The following SREBF2 variants were observed in gnomAD, a reference collection of about 807,000 sequenced individuals.
SREBF2 encodes the protein sterol regulatory element binding transcription factor 2, also known as sterol regulatory element-binding protein 2.
In SREBF2, 55 loss-of-function variants were observed where a neutral mutation model predicts 113.1. That is an observed-to-expected ratio of 0.49 (90% CI 0.39 to 0.61). The LOEUF (loss-of-function observed/expected upper bound fraction) is 0.61. Among genes scored for constraint, SREBF2 ranks in the 20% least tolerant of loss-of-function variants. SREBF2 has a pLI of 0.00. For missense variants in SREBF2, 1,349 were observed against 1,487.4 expected (o/e 0.91, Z 1.53); for synonymous variants, 593 against 605.7 (o/e 0.98, Z 0.31).
rs746993979 is a variant in SREBF2 at position 41,877,408 on chromosome 22, G to A, written c.1566G>A (p.Leu522=). ...ACTCAGGCTCTGGCCGCAGTGTCCTGTCATTCGAGTCAGGTAGGTGGAGGC... is the reference window on the plus strand; with the variant it reads ...ACTCAGGCTCTGGCCGCAGTGTCCTATCATTCGAGTCAGGTAGGTGGAGGC... ...HPHSGSGRSV[L]SFESGSGGWF... is the part of the protein sequence containing the mutation. The change falls in exon 8 of 19, where the codon CTG becomes CTA. Residue 522 remains leucine (L), a synonymous_variant. Transcript: ENST00000361204. 2 of 1,614,196 alleles carry A rather than the reference G, an allele frequency of 1.2e-6. No homozygotes were observed. The highest frequency in any genetic ancestry group is 1.7e-6 in the Non-Finnish European group (2 of 1,180,024).
At chr22:41,867,346 CTG>C (rs1035356713) in intron 2 of SREBF2, 66 bp downstream of exon 2, 2 of 1,544,066 alleles carry the variant, frequency 1.3e-6, no homozygotes, top group Admixed American at 1.7e-5. Context: ...TTTGCAGACA[CTG>C]TAAATATTTC....
rs1371872884 is a variant in SREBF2 at position 41,905,931 on chromosome 22, C to T, written c.*271C>T. On this transcript the variant is annotated 3_prime_UTR_variant, in exon 19 of 19. Coordinates refer to ENST00000361204, the MANE Select transcript of SREBF2 (RefSeq NM_004599.4). ...ACTTGATAGCAGCAGGGGGAGCTCC[C>T]AAGCTGCCAAGCCCCTGCCTCCAGC... 1 of 649,522 alleles carries T rather than the reference C, an allele frequency of 1.5e-6. No homozygotes were observed. The highest frequency in any genetic ancestry group is 2.8e-6 in the Non-Finnish European group (1 of 351,612). The allele number at this position is 649,522 out of a possible 1,614,324, so 40.2% of individuals were successfully genotyped here. A position where few individuals can be genotyped will look rare whatever the true frequency, so the allele number is the denominator to read the frequency against.
At chr22:41,859,897 C>G (rs1349462976) in intron 1 of SREBF2, among the ~76,000 whole-genome samples, 1 of 148,428 alleles carries the variant, frequency 6.7e-6, no homozygotes, top group Non-Finnish European at 1.5e-5. Flanking sequence ...GCTCCGCCTC[C>G]CAGGTTCTCG....
chr22:41,879,606 A>T (rs1194803553), intron 9 of SREBF2, among the ~76,000 whole-genome samples: 1 of 152,222 alleles, frequency 6.6e-6, no homozygotes, highest in Non-Finnish European at 1.5e-5. Flanking sequence ...TTCTGGCTGG[A>T]AAGATAGAGG....
At chr22:41,835,771 C>T (rs910325800) in intron 1 of SREBF2, among the ~76,000 whole-genome samples, 5 of 152,206 alleles carry the variant, frequency 3.3e-5, no homozygotes, top group African/African-American at 1.2e-4. Context: ...AGGACTAAGG[C>T]ATGTGCCACC....
chr22:41,895,777 G>C (rs973987217), intron 13 of SREBF2, among the ~76,000 whole-genome samples: 2 of 152,046 alleles, frequency 1.3e-5, no homozygotes, highest in Admixed American at 6.6e-5. Flanking sequence ...AGCGGAGTCA[G>C]TACTTGGACC....
At chr22:41,843,981 A>C (rs571503446) in intron 1 of SREBF2, among the ~76,000 whole-genome samples, 5 of 150,488 alleles carry the variant, frequency 3.3e-5, no homozygotes, top group African/African-American at 1.2e-4. Context: ...ACACCACTGC[A>C]CTTCAGCCTC....
intron 1 of SREBF2, among the ~76,000 whole-genome samples, chr22:41,836,958 G>A (rs1350056614): frequency 6.6e-6 from 1 of 152,202 alleles, no homozygotes; most frequent in Non-Finnish European, 1.5e-5. Context: ...TGGGCTCAGG[G>A]AGGCCACATT....
intron 16 of SREBF2, 145 bp from the exon 17 acceptor site, chr22:41,902,825 G>T: frequency 4.5e-6 from 4 of 889,766 alleles, no homozygotes; most frequent in Non-Finnish European, 7.3e-6. Flanking sequence ...CTCACGTCCT[G>T]CGGAGTTCAC....
In SREBF2 at chr22:41,869,368, A is replaced by G. The variant is rs548126310; in HGVS notation, c.720+576A>G. 1.9e-3 allele frequency among the ~76,000 whole-genome samples: 282 copies of G among 149,278 alleles called. 1 individual carries two copies. The highest frequency in any genetic ancestry group is 3.5e-3 in the Middle Eastern group (1 of 284). On this transcript the variant is annotated intron_variant, in intron 3 of 18. Transcript: ENST00000361204. ...CTCGGCCTCCCAAAGTGCTGGGATT[A>G]CAGACGTGAGCCACTGCCCTTGGCT...
chr22:41,876,523 G>T (rs1178881102), intron 7 of SREBF2, among the ~76,000 whole-genome samples: 2 of 152,176 alleles, frequency 1.3e-5, no homozygotes, highest in African/African-American at 4.8e-5. Flanking sequence ...ATATTGAAAA[G>T]AAATGACATG....
chr22:41,835,190 C>G (rs1284529885), intron 1 of SREBF2, among the ~76,000 whole-genome samples: 2 of 14,216 alleles, frequency 1.4e-4, no homozygotes, highest in Non-Finnish European at 2.6e-4. Flanking sequence ...GAGACAGGGT[C>G]TCATTCTGTC....
chr22:41,848,167 T>C lies in SREBF2; in HGVS notation c.88+14809T>C, dbSNP rs933451497. ...GCACAATGTGCAGGTTAGTTACATA[T>C]GTATACATGTGCAGTGCTGGTGCGC... On this transcript the variant is annotated intron_variant, in intron 1 of 18. Coordinates refer to ENST00000361204, the MANE Select transcript of SREBF2 (RefSeq NM_004599.4). Among the ~76,000 whole-genome samples the C allele has an allele frequency of 2.6e-5, 4 of 152,122 alleles. No individual in the cohort carries two copies. The East Asian group carries it at 7.7e-4, about 29-fold the overall frequency.
chr22:41,889,275 C>T (rs1468684689), intron 11 of SREBF2, among the ~76,000 whole-genome samples: 2 of 152,062 alleles, frequency 1.3e-5, no homozygotes, highest in Non-Finnish European at 2.9e-5. Flanking sequence ...TGCAGGTATA[C>T]ACCACCACAC....
At chr22:41,875,243 G>C in intron 5 of SREBF2, 94 bp from the exon 6 acceptor site, 1 of 1,037,804 alleles carries the variant, frequency 9.6e-7, no homozygotes, top group South Asian at 1.3e-5. Flanking sequence ...TCCTCTCACA[G>C]AGCCATGCTG....
At chr22:41,849,200 T>TTTCACTTTTATTATTA (rs2148350398) in intron 1 of SREBF2, among the ~76,000 whole-genome samples, 2 of 152,232 alleles carry the variant, frequency 1.3e-5, no homozygotes, top group South Asian at 4.1e-4. Context: ...TATTTATTTA[T>TTTCACTTTTATTATTA]TTATTTTTTG....
intron 10 of SREBF2, 117 bp downstream of exon 10, chr22:41,881,109 TA>T (rs2077241598): frequency 7.5e-7 from 1 of 1,334,756 alleles, no homozygotes; most frequent in African/African-American, 1.5e-5. Context: ...GCTACTCTTT[TA>T]GAGTGGCTAG....
At chr22:41,859,794 T>C (rs1276311665) in intron 1 of SREBF2, among the ~76,000 whole-genome samples, 1 of 140,856 alleles carries the variant, frequency 7.1e-6, no homozygotes, top group South Asian at 2.2e-4. Flanking sequence ...TAGGATATGG[T>C]GATTCTTTTT....
At chr22:41,862,023 T>C (rs928845793) in intron 1 of SREBF2, among the ~76,000 whole-genome samples, 1 of 151,434 alleles carries the variant, frequency 6.6e-6, no homozygotes, top group Non-Finnish European at 1.5e-5. Context: ...CAGCCCCTAA[T>C]AGGGCTGGGT....
Sources: gnomAD v4.1 joint callset for allele counts (sites outside exome capture counted in the v4.1 genomes callset) on GRCh38, gnomAD v4.1.1 for gene constraint, MANE v1.5 for transcripts, NCBI Gene and HGNC (gene_info 2026-07-23, HGNC 2026-07-21) for gene names.